MYT1: variants seen among roughly 807,000 people sequenced by gnomAD.
The protein encoded by MYT1 is myelin transcription factor 1.
Under a neutral mutation model 123.0 loss-of-function variants are expected in MYT1, and 23 were observed. The observed-to-expected ratio is 0.19, with a 90% confidence interval of 0.13 to 0.26. MYT1 has a LOEUF of 0.26. MYT1 is among the 10% of genes least tolerant of loss of function. MYT1 has a pLI of 1.00. For missense variants in MYT1, 1,125 were observed against 1,472.5 expected, an observed-to-expected ratio of 0.76 and a Z score of 3.86; for synonymous variants, 518 against 575.3, an observed-to-expected ratio of 0.90 and a Z score of 1.43.
chr20:64,169,832 C>T (rs537532314), intron 1 of MYT1, among the ~76,000 whole-genome samples: 1 of 152,316 alleles, frequency 6.6e-6, no homozygotes, highest in East Asian at 1.9e-4. Flanking sequence ...TGAGACCGTG[C>T]TAACTTGTTC....
At chr20:64,227,287 G>A in intron 16 of MYT1, 128 bp from the exon 17 acceptor site, 1 of 756,438 alleles carries the variant, frequency 1.3e-6, no homozygotes, top group Non-Finnish European at 2.1e-6. Flanking sequence ...CTCCTCTGCG[G>A]ACAAGGGAAT....
At chr20:64,198,119 A>C (rs1207473766) in intron 2 of MYT1, among the ~76,000 whole-genome samples, 3 of 151,798 alleles carry the variant, frequency 2.0e-5, no homozygotes, top group African/African-American at 7.3e-5. Context: ...CCCCGTCTCT[A>C]CTAAAAAAAT....
chr20:64,202,295 G>A lies in MYT1; in HGVS notation c.86+2373G>A, dbSNP rs1601711029. ...CGGAGCCCACTGGGAGTGCCTGAGC[G>A]AAGAAGCAGTTTGATGGTTTTTCCT... On this transcript the variant is annotated intron_variant, in intron 4 of 22. Transcript: ENST00000328439. This position sits in a 1 kb window ranked among gnomAD's most constrained non-coding sequence, Gnocchi z 5.0. 6.6e-6 allele frequency among the ~76,000 whole-genome samples: 1 copy of A among 152,202 alleles called. No individual in the cohort carries two copies. The highest frequency in any genetic ancestry group is 1.5e-5 in the Non-Finnish European group (1 of 68,038).
chr20:64,172,263 A>G (rs1198209624), intron 1 of MYT1, among the ~76,000 whole-genome samples: 1 of 152,016 alleles, frequency 6.6e-6, no homozygotes, highest in African/African-American at 2.4e-5. Context: ...CCCATCAGAG[A>G]GCAGCTGCCT....
At position 64,234,753 on chromosome 20, in the gene MYT1, C is replaced by T. The variant is rs1164373604; in HGVS notation, c.2898-1802C>T. The stretch of plus-strand genomic sequence containing the variant: ...CCTGGGCTGGCCGTGGTATGTGACC[C>T]GGGGCTGGCCGTGGTATGTGACCCT... On this transcript the variant is annotated intron_variant, in intron 19 of 22. Transcript: ENST00000328439. 4.1e-5 allele frequency among the ~76,000 whole-genome samples: 6 copies of T among 144,650 alleles called. No homozygotes were observed. The East Asian group carries it at 8.6e-4, about 21-fold the overall frequency. 94.9% of individuals were successfully genotyped at this position (144,650 alleles called of 152,430 possible).
rs566418844 is a variant in MYT1, at chr20:64,192,059, C to G, written c.-1+1899C>G. ...GCCATGTCAGGGGTGGGTCGGAAGA[C>G]TTTTGTCTCCCCCTGGCCCAGACAT... On this transcript the variant is annotated intron_variant, in intron 2 of 22. Coordinates refer to ENST00000328439, the MANE Select transcript of MYT1 (RefSeq NM_004535.3). The surrounding 1 kb of genome is among the most constrained non-coding windows in gnomAD (Gnocchi z 5.3). 6.6e-6 allele frequency among the ~76,000 whole-genome samples: 1 copy of G among 152,196 alleles called. No individual in the cohort carries two copies. The highest frequency in any genetic ancestry group is 1.9e-4 in the East Asian group (1 of 5,160).
chr20:64,181,212 T>C (rs1982643847), intron 1 of MYT1, among the ~76,000 whole-genome samples: 1 of 152,186 alleles, frequency 6.6e-6, no homozygotes, highest in Non-Finnish European at 1.5e-5. Flanking sequence ...TGTGGGTCTC[T>C]TTTTATTCAC....
intron 1 of MYT1, among the ~76,000 whole-genome samples, chr20:64,165,946 G>C (rs1296260491): frequency 1.3e-5 from 2 of 152,130 alleles, no homozygotes; most frequent in Non-Finnish European, 2.9e-5. Flanking sequence ...CGGTGCTGAG[G>C]GGTATGCTCT....
At chr20:64,229,190 A>C (rs2145730129) in intron 18 of MYT1, among the ~76,000 whole-genome samples, 1 of 152,310 alleles carries the variant, frequency 6.6e-6, no homozygotes, top group African/African-American at 2.4e-5. Flanking sequence ...ACAATGCAAA[A>C]TTTTGGTTGT....
chr20:64,221,685 C>T (rs1215260405), intron 13 of MYT1, among the ~76,000 whole-genome samples: 2 of 152,162 alleles, frequency 1.3e-5, no homozygotes, highest in Non-Finnish European at 2.9e-5. Context: ...CTGGCTGAAG[C>T]AGGGGAGGGA....
chr20:64,207,766 A>G lies in MYT1; in HGVS notation c.570A>G (p.Pro190=). The stretch of plus-strand genomic sequence containing the variant: ...AGGACTTGGGCCAGGCGGCCAAGCC[A>G]GGTCCTGGCATTGTGCACCTGCTTC... The part of the protein sequence containing the change: ...VEEDLGQAAK[P]GPGIVHLLQE... Residue 190 remains proline (P), a synonymous_variant, in exon 7 of 23, where the codon CCA becomes CCG. Coordinates refer to ENST00000328439, the MANE Select transcript of MYT1 (RefSeq NM_004535.3). The G allele has an allele frequency of 6.2e-7, 1 of 1,614,014 alleles. No individual in the cohort carries two copies. The highest frequency in any genetic ancestry group is 1.1e-5 in the South Asian group (1 of 91,070).
rs1222644136 is a variant in MYT1, at chr20:64,217,297, T to C, written c.1846+16T>C. The stretch of plus-strand genomic sequence containing the variant: ...GCCTTTCAATGTAAGTTGGGGAGAA[T>C]TGTTCTTGTTTCTCTTCTGTGTTGC... On this transcript the variant is annotated intron_variant, in intron 11 of 22. Coordinates refer to ENST00000328439, the MANE Select transcript of MYT1 (RefSeq NM_004535.3). 2.5e-6 allele frequency: 4 copies of C among 1,613,080 alleles called. No individual in the cohort carries two copies. The highest frequency in any genetic ancestry group is 1.7e-5 in the Admixed American group (1 of 60,022).
chr20:64,214,103 G>A (rs539197225), intron 10 of MYT1, among the ~76,000 whole-genome samples: 3 of 152,312 alleles, frequency 2.0e-5, no homozygotes, highest in East Asian at 1.9e-4. Flanking sequence ...GTCCCTCCCC[G>A]ACCCCAGGGA....
Position 64,241,594 on chromosome 20 carries a change from C to G in MYT1, c.*1146C>G, listed in dbSNP as rs1192289023. On this transcript the variant is annotated 3_prime_UTR_variant, in exon 23 of 23. Transcript: ENST00000328439. This position sits in a 1 kb window ranked among gnomAD's most constrained non-coding sequence, Gnocchi z 4.2. ...ATGTAAGTATTTATATTCACAGCCT[C>G]TTATGTTAACGTTTGCTATTTATTT... 6.6e-6 allele frequency: 1 copy of G among 152,520 alleles called. No homozygotes were observed. The highest frequency in any genetic ancestry group is 2.4e-5 in the African/African-American group (1 of 41,418). 9.4% of individuals were successfully genotyped at this position (152,520 alleles called of 1,614,324 possible). A position where few individuals can be genotyped will look rare whatever the true frequency, so the allele number is the denominator to read the frequency against.
Position 64,201,780 on chromosome 20 carries a change from GA to G in MYT1, c.86+1860del, listed in dbSNP as rs1983310604. Among the ~76,000 whole-genome samples the G allele has an allele frequency of 3.3e-5, 5 of 152,342 alleles. No homozygotes were observed. In the South Asian group the frequency reaches 1.0e-3, roughly 32 times the overall value. ...GGCCACACCGTGGGTACCAGAACAG[GA>G]AGCATGACCCACGCAGAAAACGCAC... On this transcript the variant is annotated intron_variant, in intron 4 of 22. Transcript: ENST00000328439.
At chr20:64,201,999 CCG>C (rs1983330336) in intron 4 of MYT1, among the ~76,000 whole-genome samples, 1 of 136,712 alleles carries the variant, frequency 7.3e-6, no homozygotes, top group Non-Finnish European at 1.6e-5. Flanking sequence ...TCGGGAACCC[CCG>C]CGTGTCGGGA....
chr20:64,172,865 G>A (rs913160473), intron 1 of MYT1, among the ~76,000 whole-genome samples: 3 of 149,320 alleles, frequency 2.0e-5, no homozygotes, highest in South Asian at 2.1e-4. Flanking sequence ...TCCTGCCTCG[G>A]CCTCCTGCAT....
chr20:64,198,887 G>C lies in MYT1; in HGVS notation c.26G>C (p.Arg9Pro). The C allele has an allele frequency of 6.2e-7, 1 of 1,614,114 alleles. No homozygotes were observed. The highest frequency in any genetic ancestry group is 8.5e-7 in the Non-Finnish European group (1 of 1,180,012). ...ATGAGCTTAGAAAATGAAGACAAGCGAGCTCGCACCCGATCCAAGGCCCTG... is the reference window on the plus strand; with the variant it reads ...ATGAGCTTAGAAAATGAAGACAAGCCAGCTCGCACCCGATCCAAGGCCCTG... MSLENEDKRARTRSKALRG... is the reference protein window; with the variant it reads MSLENEDKPARTRSKALRG... Residue 9 changes from arginine to proline, a missense_variant, in exon 3 of 23, where the codon CGA becomes CCA. Physicochemically the swap from Arg to Pro is moderately radical, Grantham distance 103 (BLOSUM62 -2). Around this residue, in one of 4 missense-constraint regions of MYT1, gnomAD observed 406 missense variants for 432.2 expected, o/e 0.94. Transcript: ENST00000328439.
At position 64,209,775 on chromosome 20, in the gene MYT1, C is replaced by T. The variant is rs561602942; in HGVS notation, c.1291+1288C>T. ...GTGGAGACACGAGGGACATGTTTTC[C>T]GGGAACACCAGGCATATGAGACAAG... On this transcript the variant is annotated intron_variant, in intron 7 of 22. Coordinates refer to ENST00000328439, the MANE Select transcript of MYT1 (RefSeq NM_004535.3). 8.2e-4 allele frequency among the ~76,000 whole-genome samples: 125 copies of T among 152,274 alleles called. 1 individual carries two copies. The highest frequency in any genetic ancestry group is 2.4e-3 in the African/African-American group (99 of 41,556).
Sources: gnomAD v4.1 joint callset for allele counts (sites outside exome capture counted in the v4.1 genomes callset) on GRCh38, gnomAD v4.1.1 for gene constraint, gnomAD v4.1.1 regional missense constraint, Gnocchi (gnomAD v3.1) non-coding constraint, MANE v1.5 for transcripts, NCBI Gene and HGNC (gene_info 2026-07-23, HGNC 2026-07-21) for gene names.